The following RNF44 variants were observed in gnomAD, a reference collection of about 807,000 sequenced individuals.
RNF44 encodes the protein ring finger protein 44.
In RNF44, 25 loss-of-function variants were observed where a neutral mutation model predicts 53.6. That is an observed-to-expected ratio of 0.47 (90% CI 0.34 to 0.65). The LOEUF is 0.65. Ranked by LOEUF, RNF44 falls within the 30% of genes least tolerant of loss-of-function variation. The pLI is 0.01. For synonymous variants in RNF44, 282 were observed against 252.2 expected, an observed-to-expected ratio of 1.12 and a Z score of -1.12; for missense variants, 581 against 595.5, an observed-to-expected ratio of 0.98 and a Z score of 0.25.
At position 176,531,308 on chromosome 5, in the gene RNF44, C is replaced by G. The variant is rs972641757; in HGVS notation, c.465+155G>C. 6.6e-6 allele frequency among the ~76,000 whole-genome samples: 1 copy of G among 152,216 alleles called. No homozygotes were observed. Among genetic ancestry groups the G allele is most frequent in the Non-Finnish European group, 1.5e-5 (1 of 68,034 alleles). On this transcript the variant is annotated intron_variant, in intron 4 of 10. Transcript: ENST00000274811. The surrounding 1 kb of genome is among the most constrained non-coding windows in gnomAD (Gnocchi z 4.2). Reference sequence around the variant, plus strand: ...AACACTCTATTACCAAATGTGAACACGCGTATGCTTTCCTGGGGAGGCCAG... The same window carrying G: ...AACACTCTATTACCAAATGTGAACAGGCGTATGCTTTCCTGGGGAGGCCAG...
At chr5:176,533,202 G>A (rs1041627806) in intron 1 of RNF44, among the ~76,000 whole-genome samples, 3 of 152,176 alleles carry the variant, frequency 2.0e-5, no homozygotes, top group Non-Finnish European at 4.4e-5. Context: ...TTCCAGCAGG[G>A]ATTCCAAACA....
In RNF44 at chr5:176,531,077, C is replaced by T; in HGVS notation, c.466-56G>A. 7.8e-7 allele frequency: 1 copy of T among 1,289,908 alleles called. No homozygotes were observed. Among genetic ancestry groups the T allele is most frequent in the South Asian group, 1.9e-5 (1 of 53,328 alleles). The allele number at this position is 1,289,908 out of a possible 1,614,324, so 79.9% of individuals were successfully genotyped here. On this transcript the variant is annotated intron_variant, in intron 4 of 10. Coordinates refer to ENST00000274811, the MANE Select transcript of RNF44 (RefSeq NM_014901.5). This position sits in a 1 kb window ranked among gnomAD's most constrained non-coding sequence, Gnocchi z 4.2. Reference sequence around the variant, plus strand: ...CGTTCTCCTGGGCTCTGGGCCAGGTCTACGCCATGCCACCCAGCAAAAGGC... The same window carrying T: ...CGTTCTCCTGGGCTCTGGGCCAGGTTTACGCCATGCCACCCAGCAAAAGGC...
At chr5:176,540,398 C>T (rs2113222825), upstream of RNF44, among the ~76,000 whole-genome samples, 1 of 152,224 alleles carries the variant, frequency 6.6e-6, no homozygotes, top group East Asian at 1.9e-4. Flanking sequence ...CACCAAGCTT[C>T]TGACTGTGGC....
upstream of RNF44, chr5:176,538,085 CCCCCAGCGTGGCGGT>C (rs1244830776): frequency 6.6e-6 from 1 of 152,188 alleles, no homozygotes; most frequent in Non-Finnish European, 1.5e-5. Flanking sequence ...AACCGCCACG[CCCCCAGCGTGGCGGT>C]GGAGGAAGAG....
rs1226059577 is a variant in RNF44 at position 176,530,940 on chromosome 5, G to A, written c.547C>T (p.Leu183=). The change falls in exon 5 of 11, where the codon CTG becomes TTG. Residue 183 remains leucine (L), a synonymous_variant. Coordinates refer to ENST00000274811, the MANE Select transcript of RNF44 (RefSeq NM_014901.5). ...PHLISSDHYI[L]HPPPPAPPPQ... The stretch of plus-strand genomic sequence containing the variant: ...GGTGGGGCCGGTGGTGGGGGGTGCA[G>A]GATGTAGTGGTCACTGGAGATGAGG... 2 of 1,453,198 alleles carry A rather than the reference G, an allele frequency of 1.4e-6. No individual in the cohort carries two copies. The highest frequency in any genetic ancestry group is 1.5e-5 in the African/African-American group (1 of 68,112). The allele number at this position is 1,453,198 out of a possible 1,614,324, so 90.0% of individuals were successfully genotyped here. A position where few individuals can be genotyped will look rare whatever the true frequency, so the allele number is the denominator to read the frequency against.
Position 176,529,393 on chromosome 5 carries a change from G to T in RNF44, c.1137-6C>A. 1 of 1,609,278 alleles carries T rather than the reference G, an allele frequency of 6.2e-7. No homozygotes were observed. The highest frequency in any genetic ancestry group is 8.5e-7 in the Non-Finnish European group (1 of 1,176,970). ...CACTGAAGCAGACCACACACCTGTG[G>T]AGGGGCGCGGAGCGTCACCTCCACG... On this transcript the variant is annotated splice_region_variant and splice_polypyrimidine_tract_variant and intron_variant, in intron 9 of 10. Coordinates refer to ENST00000274811, the MANE Select transcript of RNF44 (RefSeq NM_014901.5).
At chr5:176,529,208 A>G (rs1362452378) in intron 10 of RNF44, 80 bp downstream of exon 10, 1 of 1,553,190 alleles carries the variant, frequency 6.4e-7, no homozygotes, top group Non-Finnish European at 8.9e-7. Flanking sequence ...TGACAAGGAC[A>G]AGGAGGGAAA....
upstream of RNF44, among the ~76,000 whole-genome samples, chr5:176,538,234 G>A (rs1386448723): frequency 1.3e-5 from 2 of 152,352 alleles, no homozygotes; most frequent in East Asian, 1.9e-4. Context: ...TGGGAACTAA[G>A]CCCAGTGAAG....
intron 2 of RNF44, 62 bp from the exon 3 acceptor site, chr5:176,532,255 A>C (rs538988139): frequency 2.0e-6 from 3 of 1,506,548 alleles, no homozygotes; most frequent in Admixed American, 4.3e-5. Context: ...CAGAGCAGGG[A>C]GAGAAGCCAG....
chr5:176,529,056 G>A lies in RNF44; in HGVS notation c.1271C>T (p.Ala424Val). 6.2e-7 allele frequency: 1 copy of A among 1,613,010 alleles called. No individual in the cohort carries two copies. The change falls in exon 11 of 11, where the codon GCC becomes GTC. Residue 424 changes from alanine to valine, a missense_variant. Physicochemically the swap from Ala to Val is moderately conservative, Grantham distance 64. Coordinates refer to ENST00000274811, the MANE Select transcript of RNF44 (RefSeq NM_014901.5). ...CTCAGCCTCCCTGGGCACCTCGGAG[G>A]CGTCGGCCCGGCAGATGGGACACGT... is the stretch of plus-strand genomic sequence containing the variant. ...NRTCPICRAD[A>V]SEVPREAE
chr5:176,543,334 G>T, the RNF44 span, among the ~76,000 whole-genome samples: 2 of 147,844 alleles, frequency 1.4e-5, no homozygotes, highest in African/African-American at 4.9e-5. This position sits in a 1 kb window ranked among gnomAD's most constrained non-coding sequence, Gnocchi z 4.0. Context: ...GGCTCGCGGT[G>T]CGGCTGCGGC....
upstream of RNF44, among the ~76,000 whole-genome samples, chr5:176,538,496 A>T (rs1757363852): frequency 6.6e-6 from 1 of 152,204 alleles, no homozygotes; most frequent in African/African-American, 2.4e-5. Flanking sequence ...ATAAGCAGAA[A>T]ATCAGTAATT....
At chr5:176,539,848 T>C (rs1013051060), upstream of RNF44, among the ~76,000 whole-genome samples, 9 of 152,144 alleles carry the variant, frequency 5.9e-5, no homozygotes, top group Non-Finnish European at 1.3e-4. Context: ...GCCCGAACTT[T>C]TCAGGCTCGC....
At chr5:176,538,535 C>T (rs149271601), upstream of RNF44, among the ~76,000 whole-genome samples, 140 of 152,200 alleles carry the variant, frequency 9.2e-4, no homozygotes, top group African/African-American at 3.2e-3. Flanking sequence ...TGGAACAGGT[C>T]GAATAATGAA....
rs1756687306 is a variant in RNF44 at position 176,531,738 on chromosome 5, T to C, written c.298-108A>G. ...TCCAGCTGCCGGCTCCCTTCCCTTC[T>C]CCACGGCGGCCTACCTCAGTGCAGA... On this transcript the variant is annotated intron_variant, in intron 3 of 10. Transcript: ENST00000274811. This position sits in a 1 kb window ranked among gnomAD's most constrained non-coding sequence, Gnocchi z 4.2. 4 of 1,228,312 alleles carry C rather than the reference T, an allele frequency of 3.3e-6. No individual in the cohort carries two copies. Among genetic ancestry groups the C allele is most frequent in the African/African-American group, 1.5e-5 (1 of 65,938 alleles). The allele number at this position is 1,228,312 out of a possible 1,614,324, so 76.1% of individuals were successfully genotyped here.
At position 176,530,166 on chromosome 5, in the gene RNF44, C is replaced by T; in HGVS notation, c.842G>A (p.Arg281Lys). 7.6e-7 allele frequency: 1 copy of T among 1,310,114 alleles called. No individual in the cohort carries two copies. Among genetic ancestry groups the T allele is most frequent in the Non-Finnish European group, 9.8e-7 (1 of 1,025,180 alleles). 81.2% of individuals were successfully genotyped at this position (1,310,114 alleles called of 1,614,324 possible). The change falls in exon 7 of 11, where the codon AGA (arginine) becomes AAA (lysine). Residue 281 changes from arginine (R) to lysine (K), a missense_variant. By Grantham distance (26) the Arg-to-Lys change is conservative. This residue lies in a region of RNF44 where 11 missense variants were observed against 31.0 expected (regional missense o/e 0.35). Coordinates refer to ENST00000274811, the MANE Select transcript of RNF44 (RefSeq NM_014901.5). Reference protein sequence around the residue: ...HMMPRRLSTQRYRLQQPLPPP... With the variant: ...HMMPRRLSTQKYRLQQPLPPP... ...GGGCAGTGGCTGCTGCAGGCGGTAT[C>T]TCTGGGTGCTCAGTCTCCGTGGCAT...
Position 176,537,384 on chromosome 5 carries a change from A to G in RNF44, c.-489T>C, listed in dbSNP as rs1348994474. 2 of 152,128 alleles carry G rather than the reference A, an allele frequency of 1.3e-5. No homozygotes were observed. The highest frequency in any genetic ancestry group is 3.9e-4 in the East Asian group (2 of 5,178). The allele number at this position is 152,128 out of a possible 1,614,324, so 9.4% of individuals were successfully genotyped here. On this transcript the variant is annotated 5_prime_UTR_variant, in exon 1 of 11. Coordinates refer to ENST00000274811, the MANE Select transcript of RNF44 (RefSeq NM_014901.5). Reference sequence around the variant, plus strand: ...GGCGCGCCGGGAGGCTCCGGCAAACAGTAGCCCGCTGCAAGCCCGCAGGGG... The same window carrying G: ...GGCGCGCCGGGAGGCTCCGGCAAACGGTAGCCCGCTGCAAGCCCGCAGGGG...
At chr5:176,535,092 C>G (rs1232293451) in intron 1 of RNF44, among the ~76,000 whole-genome samples, 1 of 152,168 alleles carries the variant, frequency 6.6e-6, no homozygotes, top group Admixed American at 6.5e-5. Context: ...GGCCTCCAGC[C>G]GTGGGTAAGA....
chr5:176,532,685 GTGAGC>G (rs1756810257), intron 1 of RNF44, among the ~76,000 whole-genome samples, 169 bp from the exon 2 acceptor site: 1 of 143,316 alleles, frequency 7.0e-6, no homozygotes, highest in East Asian at 2.2e-4. Context: ...GGAGGTTGCA[GTGAGC>G]TGAGCTGAGA....
Sources: gnomAD v4.1 joint callset for allele counts (sites outside exome capture counted in the v4.1 genomes callset) on GRCh38, gnomAD v4.1.1 for gene constraint, gnomAD v4.1.1 regional missense constraint, Gnocchi (gnomAD v3.1) non-coding constraint, MANE v1.5 for transcripts, NCBI Gene and HGNC (gene_info 2026-07-23, HGNC 2026-07-21) for gene names.